Variants in ABCB11 observed in about 807,000 individuals in gnomAD.
The protein encoded by ABCB11 is ATP binding cassette subfamily B member 11.
ABCB11 carries 95 observed loss-of-function variants against 148.0 expected under a neutral mutation model. The ratio of observed to expected loss-of-function variants is 0.64; its 90% CI spans 0.54 to 0.76. The LOEUF is 0.76. ABCB11 is among the 30% of genes least tolerant of loss of function. The probability of loss-of-function intolerance (pLI) is 0.00; values close to 1 mark genes in which losing one functional copy is unlikely to be tolerated. For missense variants in ABCB11, 1,523 were observed against 1,617.8 expected (o/e 0.94, Z 1.01); for synonymous variants, 591 against 555.4 (o/e 1.06, Z -0.90).
At chr2:168,930,228 C>T (rs1469445267) in intron 25 of ABCB11, among the ~76,000 whole-genome samples, 2 of 152,194 alleles carry the variant, frequency 1.3e-5, no homozygotes, top group Admixed American at 6.5e-5. Context: ...ATTTAGATTT[C>T]AGCTTCTTGA....
At chr2:168,982,958 G>A (rs1694185965) in intron 10 of ABCB11, among the ~76,000 whole-genome samples, 1 of 152,146 alleles carries the variant, frequency 6.6e-6, no homozygotes, top group Non-Finnish European at 1.5e-5. Flanking sequence ...AGTATGCCAT[G>A]TCTGCACATA....
At chr2:168,932,130 A>G (rs1483735527) in intron 24 of ABCB11, among the ~76,000 whole-genome samples, 3 of 151,988 alleles carry the variant, frequency 2.0e-5, no homozygotes, top group South Asian at 4.1e-4. Context: ...TACATTAGGT[A>G]TTTCTCCTAA....
At chr2:168,990,984 T>G (rs1694499897) in intron 8 of ABCB11, 59 bp from the exon 9 acceptor site, 1 of 1,570,074 alleles carries the variant, frequency 6.4e-7, no homozygotes, top group Non-Finnish European at 8.7e-7. Flanking sequence ...TAAGTCAGTC[T>G]GTCATTCAGA....
intron 27 of ABCB11, 117 bp downstream of exon 27, chr2:168,924,540 C>T: frequency 2.0e-6 from 2 of 983,482 alleles, no homozygotes; most frequent in Non-Finnish European, 2.9e-6. Flanking sequence ...CAAAGTATTG[C>T]CAATTTCTAC....
At chr2:169,022,687 C>T (rs1407894684) in intron 1 of ABCB11, among the ~76,000 whole-genome samples, 1 of 151,620 alleles carries the variant, frequency 6.6e-6, no homozygotes, top group Non-Finnish European at 1.5e-5. Flanking sequence ...AAAAGCTACC[C>T]AAATCATTTT....
intron 18 of ABCB11, among the ~76,000 whole-genome samples, chr2:168,960,463 G>A (rs530795295): frequency 6.6e-6 from 1 of 151,670 alleles, no homozygotes; most frequent in Non-Finnish European, 1.5e-5. Context: ...AGCCTGACAT[G>A]ATAGAAATTT....
intron 9 of ABCB11, among the ~76,000 whole-genome samples, chr2:168,988,192 C>G (rs975289436): frequency 2.0e-5 from 3 of 152,056 alleles, no homozygotes; most frequent in Admixed American, 1.3e-4. Flanking sequence ...TAATTAATGT[C>G]ATTATTTTTA....
At chr2:168,929,448 G>A (rs1161286431) in intron 25 of ABCB11, among the ~76,000 whole-genome samples, 2 of 152,062 alleles carry the variant, frequency 1.3e-5, no homozygotes, top group Non-Finnish European at 2.9e-5. Flanking sequence ...AAAATATAAT[G>A]TAAATGTAAC....
chr2:169,014,223 T>C, intron 4 of ABCB11, 80 bp downstream of exon 4: 2 of 1,397,094 alleles, frequency 1.4e-6, no homozygotes, highest in Non-Finnish European at 2.0e-6. Flanking sequence ...CCAATATGAC[T>C]AAAGATTTAA....
chr2:168,954,672 C>T (rs1291414819), intron 19 of ABCB11, among the ~76,000 whole-genome samples: 2 of 151,646 alleles, frequency 1.3e-5, no homozygotes, highest in Admixed American at 6.6e-5. Flanking sequence ...TTTACTTTGA[C>T]TTTAGACATT....
At position 168,947,063 on chromosome 2, in the gene ABCB11, T is replaced by C. The variant is rs1376920775; in HGVS notation, c.2344-2102A>G. 2.0e-5 allele frequency among the ~76,000 whole-genome samples: 3 copies of C among 151,842 alleles called. No individual in the cohort carries two copies. The East Asian group carries it at 5.8e-4, about 30-fold the overall frequency. ...TAGATTCCTCTGTTCCTTTACTAGT[T>C]GTAGTTTTGGCACACATCTTTGCTA... On this transcript the variant is annotated intron_variant, in intron 19 of 27. Coordinates refer to ENST00000650372, the MANE Select transcript of ABCB11 (RefSeq NM_003742.4).
intron 5 of ABCB11, among the ~76,000 whole-genome samples, chr2:169,011,968 A>C (rs1407398490): frequency 6.6e-6 from 1 of 152,110 alleles, no homozygotes; most frequent in Non-Finnish European, 1.5e-5. Context: ...CCTGGCTAGG[A>C]CCATGCTCTT....
In ABCB11 at chr2:168,922,074, C is replaced by A. The variant is rs1372835198; in HGVS notation, c.*1548G>T. ...CCATGTTAGCCAGGATGGTCTCAAT[C>A]TCTCGACCTCATGATCCGCCCGCCT... On this transcript the variant is annotated 3_prime_UTR_variant, in exon 28 of 28. Transcript: ENST00000650372. 2.0e-5 allele frequency among the ~76,000 whole-genome samples: 3 copies of A among 152,050 alleles called. No homozygotes were observed. Among genetic ancestry groups the A allele is most frequent in the African/African-American group, 7.2e-5 (3 of 41,398 alleles).
At chr2:169,028,582 G>C (rs1044269141) in intron 1 of ABCB11, among the ~76,000 whole-genome samples, 1 of 152,136 alleles carries the variant, frequency 6.6e-6, no homozygotes, top group Non-Finnish European at 1.5e-5. Flanking sequence ...TGGGCAACTC[G>C]GGAGGATGTG....
chr2:168,942,393 T>G (rs866125643), intron 21 of ABCB11, among the ~76,000 whole-genome samples: 5 of 151,636 alleles, frequency 3.3e-5, no homozygotes, highest in Non-Finnish European at 7.4e-5. Flanking sequence ...TGTATTAAAA[T>G]AATTAACATC....
intron 11 of ABCB11, among the ~76,000 whole-genome samples, chr2:168,977,095 T>C (rs1313084047): frequency 1.3e-5 from 2 of 148,596 alleles, no homozygotes; most frequent in African/African-American, 4.9e-5. Flanking sequence ...TGTGCCATTA[T>C]ATAATAATAC....
Position 169,004,203 on chromosome 2 carries a change from G to A in ABCB11, c.390-7481C>T, listed in dbSNP as rs540007147. On this transcript the variant is annotated intron_variant, in intron 5 of 27. Transcript: ENST00000650372. ...TCGTATTTGGATGTCTACATCCCTA[G>A]ACAAAAGATCTTCCTTCAGCAAGGC... Among the ~76,000 whole-genome samples the A allele has an allele frequency of 3.9e-5, 6 of 152,246 alleles. No homozygotes were observed. In the South Asian group the frequency reaches 1.0e-3, roughly 26 times the overall value.
At chr2:168,994,661 C>T (rs1179315648) in intron 7 of ABCB11, among the ~76,000 whole-genome samples, 1 of 152,050 alleles carries the variant, frequency 6.6e-6, no homozygotes, top group Non-Finnish European at 1.5e-5. Flanking sequence ...GTAAGTTCCT[C>T]AAGAGCACAA....
At chr2:168,955,690 C>G (rs985743438) in intron 19 of ABCB11, among the ~76,000 whole-genome samples, 8 of 151,584 alleles carry the variant, frequency 5.3e-5, no homozygotes, top group African/African-American at 1.7e-4. Context: ...CACAGTCATG[C>G]CTTCTCAACA....
Sources: gnomAD v4.1 joint callset for allele counts (sites outside exome capture counted in the v4.1 genomes callset) on GRCh38, gnomAD v4.1.1 for gene constraint, MANE v1.5 for transcripts, NCBI Gene and HGNC (gene_info 2026-07-23, HGNC 2026-07-21) for gene names.